Variants in TNKS1BP1 observed in about 807,000 individuals in gnomAD.
TNKS1BP1 encodes the protein 182 kDa tankyrase-1-binding protein.
TNKS1BP1 carries 48 observed loss-of-function variants against 141.1 expected under a neutral mutation model. The observed-to-expected ratio is 0.34, with a 90% CI of 0.27 to 0.43. The LOEUF is 0.43. Ranked by LOEUF, TNKS1BP1 falls within the 20% of genes least tolerant of loss-of-function variation. The pLI is 1.00. For missense variants in TNKS1BP1, 2,149 were observed against 2,226.0 expected, an observed-to-expected ratio of 0.97 and a Z score of 0.70; for synonymous variants, 875 against 898.2, an observed-to-expected ratio of 0.97 and a Z score of 0.46.
In TNKS1BP1 at chr11:57,313,758, A is replaced by T; in HGVS notation, c.930T>A (p.Ser310Arg). 1 of 1,600,812 alleles carries T rather than the reference A, an allele frequency of 6.2e-7. No homozygotes were observed. The highest frequency in any genetic ancestry group is 1.1e-5 in the South Asian group (1 of 88,662). The change falls in exon 5 of 12, where the codon AGT (serine) becomes AGA (arginine). Residue 310 changes from serine (S) to arginine (R), a missense_variant. Transcript: ENST00000358252. ...CCAGAAGCTGTGAGTGGCAGGGAGA[A>T]CTCTTATCAGGCGGGTGAAGATGGG... is the stretch of plus-strand genomic sequence containing the variant. ...GSPHLHPPDK[S>R]SPCHSQLLEA...
chr11:57,308,927 C>T lies in TNKS1BP1; in HGVS notation c.3784G>A (p.Gly1262Ser). Residue 1262 changes from glycine (G) to serine (S), a missense_variant, in exon 6 of 12, where the codon GGT becomes AGT. Physicochemically the swap from Gly to Ser is moderately conservative, Grantham distance 56. Transcript: ENST00000358252. ...TTAAGGAACTCTCCGGCCTCCACAC[C>T]TGACCAGTCAGTCTGCCCCACGCCA... is the stretch of plus-strand genomic sequence containing the variant. ...ESGVGQTDWSGVEAGEFLKSR... is the reference protein window; with the variant it reads ...ESGVGQTDWSSVEAGEFLKSR... 1.2e-6 allele frequency: 2 copies of T among 1,614,072 alleles called. No homozygotes were observed. Among genetic ancestry groups the T allele is most frequent in the Non-Finnish European group, 1.7e-6 (2 of 1,180,022 alleles).
chr11:57,313,573 G>T lies in TNKS1BP1; in HGVS notation c.1115C>A (p.Pro372His), dbSNP rs777555181. Residue 372 changes from proline (P) to histidine (H), a missense_variant, in exon 5 of 12, where the codon CCT (proline) becomes CAT (histidine). By Grantham distance (77) the Pro-to-His change is moderately conservative. Coordinates refer to ENST00000358252, the MANE Select transcript of TNKS1BP1 (RefSeq NM_033396.3). The part of the protein sequence containing the change: ...PEAPRPSSPP[P>H]EVLEPHSLDQ... ...CAGGCTATGGGGCTCCAAGACCTCA[G>T]GGGGTGGGCTGCTGGGTCTGGGGGC... 3 of 1,589,968 alleles carry T rather than the reference G, an allele frequency of 1.9e-6. No homozygotes were observed. Among genetic ancestry groups the T allele is most frequent in the South Asian group, 1.2e-5 (1 of 86,886 alleles).
In TNKS1BP1 at chr11:57,309,334, A is replaced by T. The variant is rs142641967; in HGVS notation, c.3377T>A (p.Ile1126Asn). The stretch of plus-strand genomic sequence containing the variant: ...ACCACTCACTCTGTCGTTGCCAATG[A>T]TGCCAAACTGATAGCTCCTCTCACT... ...EASERSYQFG[I>N]IGNDRVSGAG... is the part of the protein sequence containing the mutation. The change falls in exon 6 of 12, where the codon ATC (isoleucine) becomes AAC (asparagine). Residue 1126 changes from isoleucine (I) to asparagine (N), a missense_variant. Ile to Asn is a moderately radical substitution (Grantham distance 149). Transcript: ENST00000358252. The surrounding 1 kb of genome is among the most constrained non-coding windows in gnomAD (Gnocchi z 4.3). The T allele has an allele frequency of 1.7e-4, 278 of 1,614,096 alleles. 1 individual carries two copies. The African/African-American group carries it at 3.5e-3, about 20-fold the overall frequency.
chr11:57,320,488 C>A lies in TNKS1BP1; in HGVS notation c.319G>T (p.Ala107Ser). Residue 107 changes from alanine to serine, a missense_variant, in exon 3 of 12, where the codon GCC (alanine) becomes TCC (serine). Coordinates refer to ENST00000358252, the MANE Select transcript of TNKS1BP1 (RefSeq NM_033396.3). ...TGGGTGGCTTCTCCTCCAGTGGAGGCCTCAACCGCAGGCCTTGGTGCAAAG... is the reference window on the plus strand; with the variant it reads ...TGGGTGGCTTCTCCTCCAGTGGAGGACTCAACCGCAGGCCTTGGTGCAAAG... The part of the protein sequence containing the change: ...LPFAPRPAVE[A>S]STGGEATQET... 1 of 1,608,818 alleles carries A rather than the reference C, an allele frequency of 6.2e-7. No individual in the cohort carries two copies. Among genetic ancestry groups the A allele is most frequent in the Non-Finnish European group, 8.5e-7 (1 of 1,176,246 alleles).
rs756603766 is a variant in TNKS1BP1 at position 57,313,372 on chromosome 11, T to C, written c.1316A>G (p.Asp439Gly). ...CAGCGAGCCCCCCAGCTTCTCCTGG[T>C]CCTGACTGGGTGACTGGAGCACACC... ...SEGVLQSPSQ[D>G]QEKLGGSLAA... The change falls in exon 5 of 12, where the codon GAC becomes GGC. Residue 439 changes from aspartate to glycine, a missense_variant. By Grantham distance (94) the Asp-to-Gly change is moderately conservative. Transcript: ENST00000358252. The C allele has an allele frequency of 6.2e-7, 1 of 1,612,692 alleles. No homozygotes were observed. The highest frequency in any genetic ancestry group is 1.1e-5 in the South Asian group (1 of 91,014).
Position 57,315,757 on chromosome 11 carries a change from G to GCC in TNKS1BP1, c.799-1870_799-1869dup, listed in dbSNP as rs538733015. 1.0e-3 allele frequency among the ~76,000 whole-genome samples: 71 copies of GCC among 70,444 alleles called. 1 individual carries two copies. In the South Asian group the frequency reaches 0.037, roughly 37 times the overall value. The allele number at this position is 70,444 out of a possible 152,430, so 46.2% of individuals were successfully genotyped here. On this transcript the variant is annotated intron_variant, in intron 4 of 11. Transcript: ENST00000358252. The stretch of plus-strand genomic sequence containing the variant: ...GAGAACCCCCGACAACCCCCCCACC[G>GCC]CCACACACACACACACCACCTACTT...
In TNKS1BP1 at chr11:57,309,972, G is replaced by T; in HGVS notation, c.2739C>A (p.Asp913Glu). 1 of 1,614,070 alleles carries T rather than the reference G, an allele frequency of 6.2e-7. No individual in the cohort carries two copies. The highest frequency in any genetic ancestry group is 8.5e-7 in the Non-Finnish European group (1 of 1,179,940). ...CCTGGCTGCTGTACCTACCATGGTG[G>T]TCCCTCTTCCCCAAATCTTGGCCCT... ...NEQGQDLGKRDHHGRYSSQDA... is the reference protein window; with the variant it reads ...NEQGQDLGKREHHGRYSSQDA... Residue 913 changes from aspartate (D) to glutamate (E), a missense_variant, in exon 6 of 12, where the codon GAC (aspartate) becomes GAA (glutamate). By Grantham distance (45) the Asp-to-Glu change is conservative (BLOSUM62 2). Transcript: ENST00000358252. This position sits in a 1 kb window ranked among gnomAD's most constrained non-coding sequence, Gnocchi z 4.3.
intron 5 of TNKS1BP1, 117 bp from the exon 6 acceptor site, chr11:57,310,673 A>G: frequency 1.5e-6 from 2 of 1,360,104 alleles, no homozygotes; most frequent in South Asian, 1.5e-5. Flanking sequence ...TGGCAACAGA[A>G]AGCTGTGTGA....
In TNKS1BP1 at chr11:57,313,553, T is replaced by C. The variant is rs781441353; in HGVS notation, c.1135A>G (p.Ser379Gly). ...SPPPEVLEPHSLDQPPATSPR... is the reference protein window; with the variant it reads ...SPPPEVLEPHGLDQPPATSPR... Reference sequence around the variant, plus strand: ...GAGGTGGCAGGGGGCTGATCCAGGCTATGGGGCTCCAAGACCTCAGGGGGT... The same window carrying C: ...GAGGTGGCAGGGGGCTGATCCAGGCCATGGGGCTCCAAGACCTCAGGGGGT... The change falls in exon 5 of 12, where the codon AGC (serine) becomes GGC (glycine). Residue 379 changes from serine to glycine, a missense_variant. Physicochemically the swap from Ser to Gly is moderately conservative, Grantham distance 56 (BLOSUM62 0). Coordinates refer to ENST00000358252, the MANE Select transcript of TNKS1BP1 (RefSeq NM_033396.3). 3.2e-6 allele frequency: 5 copies of C among 1,581,090 alleles called. No homozygotes were observed. Among genetic ancestry groups the C allele is most frequent in the Non-Finnish European group, 4.3e-6 (5 of 1,165,002 alleles).
At position 57,320,071 on chromosome 11, in the gene TNKS1BP1, C is replaced by A; in HGVS notation, c.728+8G>T. ...CTGCCACAAAATATACAACCTCCCACCCTTCACCTCTCCTCAGGGGTCTTG... is the reference window on the plus strand; with the variant it reads ...CTGCCACAAAATATACAACCTCCCAACCTTCACCTCTCCTCAGGGGTCTTG... On this transcript the variant is annotated splice_region_variant and intron_variant, in intron 3 of 11. Transcript: ENST00000358252. 1 of 1,609,748 alleles carries A rather than the reference C, an allele frequency of 6.2e-7. No homozygotes were observed. Among genetic ancestry groups the A allele is most frequent in the Non-Finnish European group, 8.5e-7 (1 of 1,176,998 alleles).
At chr11:57,314,195 C>G (rs938694468) in intron 4 of TNKS1BP1, among the ~76,000 whole-genome samples, 1 of 152,234 alleles carries the variant, frequency 6.6e-6, no homozygotes, top group Admixed American at 6.5e-5. Context: ...ATGTGAGGAT[C>G]TCCTCAGAGG....
At chr11:57,314,000 G>GA in intron 4 of TNKS1BP1, 111 bp from the exon 5 acceptor site, 1 of 1,270,962 alleles carries the variant, frequency 7.9e-7, no homozygotes, top group Admixed American at 3.6e-5. Flanking sequence ...CTGGGAGGAG[G>GA]CAACTGGAAC....
intron 1 of TNKS1BP1, among the ~76,000 whole-genome samples, chr11:57,323,134 A>C (rs1855912956): frequency 6.6e-6 from 1 of 152,178 alleles, no homozygotes; most frequent in Admixed American, 6.5e-5. Flanking sequence ...ATAAGTGTTC[A>C]ACAAATGTTG....
At position 57,309,290 on chromosome 11, in the gene TNKS1BP1, T is replaced by C. The variant is rs376209432; in HGVS notation, c.3421A>G (p.Ser1141Gly). 1.3e-5 allele frequency: 21 copies of C among 1,614,136 alleles called. No individual in the cohort carries two copies. Among genetic ancestry groups the C allele is most frequent in the Non-Finnish European group, 1.8e-5 (21 of 1,180,038 alleles). ...RVSGAGFSPSSKMEGGHFVPP... is the reference protein window; with the variant it reads ...RVSGAGFSPSGKMEGGHFVPP... ...ACAAAGTGACCACCTTCCATCTTGCTAGAAGGGCTAAAGCCAGCACCACTC... is the reference window on the plus strand; with the variant it reads ...ACAAAGTGACCACCTTCCATCTTGCCAGAAGGGCTAAAGCCAGCACCACTC... Residue 1141 changes from serine to glycine, a missense_variant, in exon 6 of 12, where the codon AGC (serine) becomes GGC (glycine). Ser to Gly is a moderately conservative substitution (Grantham distance 56). Coordinates refer to ENST00000358252, the MANE Select transcript of TNKS1BP1 (RefSeq NM_033396.3). The surrounding 1 kb of genome is among the most constrained non-coding windows in gnomAD (Gnocchi z 4.3).
chr11:57,313,594 G>A lies in TNKS1BP1; in HGVS notation c.1094C>T (p.Pro365Leu). 6.3e-7 allele frequency: 1 copy of A among 1,596,166 alleles called. No individual in the cohort carries two copies. Among genetic ancestry groups the A allele is most frequent in the Admixed American group, 1.7e-5 (1 of 57,364 alleles). Residue 365 changes from proline to leucine, a missense_variant, in exon 5 of 12, where the codon CCC (proline) becomes CTC (leucine). Transcript: ENST00000358252. The stretch of plus-strand genomic sequence containing the variant: ...CTCAGGGGGTGGGCTGCTGGGTCTG[G>A]GGGCCTCTGGAGCCCCCTCGGCAGG... ...GLPAEGAPEA[P>L]RPSSPPPEVL... is the part of the protein sequence containing the mutation.
chr11:57,321,744 TCCCA>T, intron 2 of TNKS1BP1, 44 bp downstream of exon 2: 69 of 1,039,564 alleles, frequency 6.6e-5, no homozygotes, highest in Middle Eastern at 2.3e-4. Context: ...CCTCTGTCCT[TCCCA>T]CCCCCCTCCC....
chr11:57,305,800 C>T (rs1590578673), intron 6 of TNKS1BP1, among the ~76,000 whole-genome samples: 1 of 152,128 alleles, frequency 6.6e-6, no homozygotes, highest in African/African-American at 2.4e-5. Flanking sequence ...TAAGTTACTC[C>T]CAACTTACAG....
chr11:57,323,667 C>A (rs1049231734), intron 1 of TNKS1BP1, among the ~76,000 whole-genome samples: 2 of 152,184 alleles, frequency 1.3e-5, no homozygotes, highest in Non-Finnish European at 2.9e-5. Flanking sequence ...CAGTTAACCA[C>A]CACGGAAGAC....
rs778966696 is a variant in TNKS1BP1 at position 57,320,532 on chromosome 11, C to T, written c.275G>A (p.Gly92Asp). The change falls in exon 3 of 12, where the codon GGC becomes GAC. Residue 92 changes from glycine (G) to aspartate (D), a missense_variant. Coordinates refer to ENST00000358252, the MANE Select transcript of TNKS1BP1 (RefSeq NM_033396.3). Reference protein sequence around the residue: ...NMLAGPQPYGGSKRPLPFAPR... With the variant: ...NMLAGPQPYGDSKRPLPFAPR... ...TGCAAAGGGAAGGGGGCGCTTGCTG[C>T]CACCATAGGGCTGGGGTCCTGCCAG... 1 of 1,613,630 alleles carries T rather than the reference C, an allele frequency of 6.2e-7. No individual in the cohort carries two copies. Among genetic ancestry groups the T allele is most frequent in the Non-Finnish European group, 8.5e-7 (1 of 1,179,684 alleles).
Sources: allele counts gnomAD v4.1 joint callset (sites outside exome capture counted in the v4.1 genomes callset), GRCh38; gene constraint gnomAD v4.1.1; non-coding constraint Gnocchi (gnomAD v3.1); transcripts MANE v1.5; gene names NCBI Gene and HGNC (gene_info 2026-07-23, HGNC 2026-07-21).